KCNN2: variants seen among roughly 807,000 people sequenced by gnomAD.
KCNN2 encodes the protein small conductance calcium-activated potassium channel protein 2.
KCNN2 carries 24 observed loss-of-function variants against 55.5 expected under a neutral mutation model. That is an observed-to-expected ratio of 0.43 (90% CI 0.31 to 0.61). The LOEUF (loss-of-function observed/expected upper bound fraction) is 0.61, where lower values mean the gene tolerates loss of function less well. KCNN2 is among the 20% of genes least tolerant of loss of function. The pLI is 0.08. For synonymous variants in KCNN2, 431 were observed against 336.1 expected, an observed-to-expected ratio of 1.28 and a Z score of -3.09; for missense variants, 754 against 853.6, an observed-to-expected ratio of 0.88 and a Z score of 1.45.
intron 1 of KCNN2, among the ~76,000 whole-genome samples, chr5:114,112,628 A>T (rs1751623131): frequency 6.6e-6 from 1 of 152,028 alleles, no homozygotes; most frequent in African/African-American, 2.4e-5. Context: ...TATAAACTGA[A>T]TAAAGCAGTT....
intron 1 of KCNN2, among the ~76,000 whole-genome samples, chr5:114,103,842 G>T (rs1230589448): frequency 6.6e-6 from 1 of 152,126 alleles, no homozygotes; most frequent in Non-Finnish European, 1.5e-5. Context: ...TTTTATTGAG[G>T]ATTTTCGCAT....
intron 2 of KCNN2, among the ~76,000 whole-genome samples, chr5:114,365,645 T>C (rs1757578395): frequency 6.6e-6 from 1 of 152,240 alleles, no homozygotes; most frequent in Non-Finnish European, 1.5e-5. Flanking sequence ...GAGCTGCTGC[T>C]ACATGCCAAA....
intron 1 of KCNN2, among the ~76,000 whole-genome samples, chr5:114,068,511 C>G (rs1750497215): frequency 6.6e-6 from 1 of 152,188 alleles, no homozygotes; most frequent in African/African-American, 2.4e-5. Context: ...ACAGTTTATA[C>G]TGTTTCCATG....
At chr5:114,334,511 A>T (rs1215351328) in intron 2 of KCNN2, among the ~76,000 whole-genome samples, 2 of 152,178 alleles carry the variant, frequency 1.3e-5, no homozygotes, top group Admixed American at 1.3e-4. Context: ...ACATACACAC[A>T]TGCATATATA....
intron 1 of KCNN2, among the ~76,000 whole-genome samples, chr5:114,164,722 T>G (rs147687695): frequency 2.5e-3 from 374 of 152,270 alleles, no homozygotes; most frequent in African/African-American, 8.7e-3. Context: ...ATATTTAAAT[T>G]TAGTAATGTG....
chr5:114,291,589 T>C (rs542755118), intron 2 of KCNN2, among the ~76,000 whole-genome samples: 72 of 152,354 alleles, frequency 4.7e-4, no homozygotes, highest in Non-Finnish European at 6.3e-4. Flanking sequence ...CAGTCTATCA[T>C]TGTTGGACAT....
intron 3 of KCNN2, among the ~76,000 whole-genome samples, chr5:114,413,469 G>A (rs1165993797): frequency 6.6e-6 from 1 of 152,066 alleles, no homozygotes; most frequent in Non-Finnish European, 1.5e-5. Flanking sequence ...TGTATTTTTA[G>A]TAGAAATGGG....
At chr5:114,406,174 T>A (rs985708262) in intron 3 of KCNN2, among the ~76,000 whole-genome samples, 1 of 151,918 alleles carries the variant, frequency 6.6e-6, no homozygotes, top group African/African-American at 2.4e-5. Flanking sequence ...AGCATTCACT[T>A]TAAATCTGTT....
intron 2 of KCNN2, among the ~76,000 whole-genome samples, chr5:114,290,953 G>A (rs1219853979): frequency 6.6e-6 from 1 of 151,730 alleles, no homozygotes; most frequent in Non-Finnish European, 1.5e-5. Flanking sequence ...GTTTTATATG[G>A]TTGCAATCCT....
chr5:114,301,095 G>C (rs1756148144), intron 2 of KCNN2, among the ~76,000 whole-genome samples: 1 of 150,778 alleles, frequency 6.6e-6, no homozygotes, highest in African/African-American at 2.4e-5. Flanking sequence ...GGGACCTATA[G>C]ACTGTTCTTG....
At chr5:114,157,817 T>A (rs1460484310) in intron 1 of KCNN2, among the ~76,000 whole-genome samples, 1 of 151,962 alleles carries the variant, frequency 6.6e-6, no homozygotes, top group African/African-American at 2.4e-5. Flanking sequence ...TTGAGAAGTG[T>A]CTGTTCATTT....
At chr5:114,345,505 T>C (rs1017341925) in intron 2 of KCNN2, among the ~76,000 whole-genome samples, 13 of 152,068 alleles carry the variant, frequency 8.5e-5, no homozygotes, top group African/African-American at 3.1e-4. Flanking sequence ...AGGATGTAGG[T>C]GAAATAAAAA....
At chr5:114,187,510 T>TTA (rs1350940246) in intron 1 of KCNN2, among the ~76,000 whole-genome samples, 1 of 149,512 alleles carries the variant, frequency 6.7e-6, no homozygotes, top group Non-Finnish European at 1.5e-5. Context: ...CTCTGGCTTT[T>TTA]TTTTTTTTTT....
At chr5:114,076,726 C>T (rs1281879409) in intron 1 of KCNN2, among the ~76,000 whole-genome samples, 1 of 152,200 alleles carries the variant, frequency 6.6e-6, no homozygotes, top group East Asian at 1.9e-4. Context: ...TGGAGGCTCG[C>T]TGTGTCACCC....
chr5:114,340,576 A>T (rs915610479), intron 2 of KCNN2, among the ~76,000 whole-genome samples: 1 of 152,180 alleles, frequency 6.6e-6, no homozygotes, highest in Non-Finnish European at 1.5e-5. Context: ...AGAACATGAT[A>T]TTTTGACATA....
rs140368914 is a variant in KCNN2, at chr5:114,232,116, G to A, written c.-185+10551G>A. On this transcript the variant is annotated intron_variant, in intron 2 of 10. Coordinates refer to the KCNN2 transcript ENST00000512097. ...CCAGTGTCCCTGTCCCACTGTTTGG[G>A]CCTGAGAATCTGTGACTTGGCTTCA... Among the ~76,000 whole-genome samples the A allele has an allele frequency of 2.6e-5, 4 of 150,986 alleles. No homozygotes were observed. In the East Asian group the frequency reaches 5.8e-4, roughly 22 times the overall value.
chr5:114,088,051 C>T (rs766388881), intron 1 of KCNN2, among the ~76,000 whole-genome samples: 21 of 152,074 alleles, frequency 1.4e-4, no homozygotes, highest in Admixed American at 5.2e-4. Flanking sequence ...ATCTTTAGTG[C>T]GAATCTGCTG....
At chr5:114,255,729 A>C (rs1387905935) in intron 2 of KCNN2, among the ~76,000 whole-genome samples, 1 of 152,208 alleles carries the variant, frequency 6.6e-6, no homozygotes, top group Non-Finnish European at 1.5e-5. Context: ...CAGCCAGATC[A>C]GAGATGATAG....
chr5:114,362,381 G>A lies in KCNN2; in HGVS notation c.242G>A (p.Gly81Glu), dbSNP rs898747498. Residue 81 changes from glycine to glutamate, a missense_variant, in exon 1 of 8, where the codon GGG (glycine) becomes GAG (glutamate). Physicochemically the swap from Gly to Glu is moderately conservative, Grantham distance 98 (BLOSUM62 -2). Around this residue, in one of 4 missense-constraint regions of KCNN2, gnomAD observed 381 missense variants for 259.1 expected, o/e 1.47. Transcript: ENST00000673685. The part of the protein sequence containing the change: ...SCASSGAPAA[G>E]AGDNLSLLLR... ...GCCTCCTCCGGTGCCCCGGCGGCGG[G>A]GGCGGGAGATAACCTGTCCCTGCTG... 1 of 208,620 alleles carries A rather than the reference G, an allele frequency of 4.8e-6. No homozygotes were observed. Among genetic ancestry groups the A allele is most frequent in the Non-Finnish European group, 9.5e-6 (1 of 105,634 alleles). The allele number at this position is 208,620 out of a possible 1,614,324, so 12.9% of individuals were successfully genotyped here.
Sources: gnomAD v4.1 joint callset for allele counts (sites outside exome capture counted in the v4.1 genomes callset) on GRCh38, gnomAD v4.1.1 for gene constraint, gnomAD v4.1.1 regional missense constraint, MANE v1.5 for transcripts, NCBI Gene and HGNC (gene_info 2026-07-23, HGNC 2026-07-21) for gene names.